The following ZNF174 variants were observed in gnomAD, a reference collection of about 807,000 sequenced individuals.
ZNF174 encodes the protein AW-1.
ZNF174 carries 30 observed loss-of-function variants against 38.7 expected under a neutral mutation model. The ratio of observed to expected loss-of-function variants is 0.78; its 90% CI spans 0.58 to 1.05. ZNF174 has a LOEUF of 1.05. Among genes scored for constraint, ZNF174 ranks in the 50% least tolerant of loss-of-function variants. The pLI, the probability that ZNF174 is intolerant of heterozygous loss-of-function variation, is 0.00. For synonymous variants in ZNF174, 201 were observed against 181.7 expected, an observed-to-expected ratio of 1.11 and a Z score of -0.86; for missense variants, 499 against 495.6, an observed-to-expected ratio of 1.01 and a Z score of -0.06.
Position 3,402,188 on chromosome 16 carries a change from G to A in ZNF174, c.184G>A (p.Glu62Lys). ...FCYQEVSGPQEALSQLRQLCR... is the reference protein window; with the variant it reads ...FCYQEVSGPQKALSQLRQLCR... ...TTATCAAGAGGTGTCTGGACCCCAAGAGGCTCTCTCCCAGCTCCGACAGCT... is the reference window on the plus strand; with the variant it reads ...TTATCAAGAGGTGTCTGGACCCCAAAAGGCTCTCTCCCAGCTCCGACAGCT... The change falls in exon 1 of 3, where the codon GAG becomes AAG. Residue 62 changes from glutamate (E) to lysine (K), a missense_variant. Glu to Lys is a moderately conservative substitution (Grantham distance 56, BLOSUM62 1). Transcript: ENST00000268655. 1 of 1,612,800 alleles carries A rather than the reference G, an allele frequency of 6.2e-7. No homozygotes were observed. The highest frequency in any genetic ancestry group is 1.7e-5 in the Admixed American group (1 of 59,994).
In ZNF174 at chr16:3,404,505, T is replaced by G; in HGVS notation, c.482T>G (p.Phe161Cys). The change falls in exon 2 of 3, where the codon TTT (phenylalanine) becomes TGT (cysteine). Residue 161 changes from phenylalanine (F) to cysteine (C), a missense_variant. Transcript: ENST00000268655. Reference protein sequence around the residue: ...SQLGEQELPDFQPQTPRRDLR... With the variant: ...SQLGEQELPDCQPQTPRRDLR... ...CTTGGAGAACAGGAACTGCCAGACT[T>G]TCAACCGCAGACTCCTAGGAGAGAT... 4.3e-6 allele frequency: 7 copies of G among 1,613,756 alleles called. No individual in the cohort carries two copies. Among genetic ancestry groups the G allele is most frequent in the Non-Finnish European group, 5.9e-6 (7 of 1,179,672 alleles).
intron 1 of ZNF174, 56 bp from the exon 2 acceptor site, chr16:3,404,370 G>C (rs776255651): frequency 6.0e-5 from 91 of 1,509,910 alleles, no homozygotes; most frequent in Non-Finnish European, 7.9e-5. Context: ...AACAGTGAGA[G>C]ATCAAGCTTC....
rs1222583841 is a variant in ZNF174, at chr16:3,402,327, A to G, written c.323A>G (p.His108Arg). Residue 108 changes from histidine to arginine, a missense_variant, in exon 1 of 3, where the codon CAT (histidine) becomes CGT (arginine). Transcript: ENST00000268655. ...CCGGAGATCCAGGCTCGGGTCAGGC[A>G]TCGATGTCCAATGAGCAGCAAGGAG... ...LPPEIQARVR[H>R]RCPMSSKEIV... 3.7e-6 allele frequency: 6 copies of G among 1,614,110 alleles called. No homozygotes were observed. In the South Asian group the frequency reaches 4.4e-5, roughly 12 times the overall value.
rs1014173701 is a variant in ZNF174, at chr16:3,409,142, A to G, written c.*223A>G. 1.8e-6 allele frequency: 1 copy of G among 555,000 alleles called. No individual in the cohort carries two copies. Among genetic ancestry groups the G allele is most frequent in the Non-Finnish European group, 3.2e-6 (1 of 312,768 alleles). 34.4% of individuals were successfully genotyped at this position (555,000 alleles called of 1,614,324 possible). A position where few individuals can be genotyped will look rare whatever the true frequency, so the allele number is the denominator to read the frequency against. ...GAAGGCAGGTCTGGGCACTGGGGCA[A>G]AGAGAACTTAAGTCTCTGCAGAGAG... On this transcript the variant is annotated 3_prime_UTR_variant, in exon 3 of 3. Coordinates refer to ENST00000268655, the MANE Select transcript of ZNF174 (RefSeq NM_003450.3).
In ZNF174 at chr16:3,401,716, A is replaced by T; in HGVS notation, c.-289A>T. The T allele has an allele frequency of 3.0e-6, 1 of 336,560 alleles. No individual in the cohort carries two copies. The highest frequency in any genetic ancestry group is 5.5e-6 in the Non-Finnish European group (1 of 182,942). 20.8% of individuals were successfully genotyped at this position (336,560 alleles called of 1,614,324 possible). ...TGTGTGCTTGCTACTGAAATAAAAG[A>T]AGTATTTTTTCCCCAGAGTCCTTTT... On this transcript the variant is annotated 5_prime_UTR_variant, in exon 1 of 3. Transcript: ENST00000268655.
At position 3,408,970 on chromosome 16, in the gene ZNF174, T is replaced by TC. The variant is rs113071016; in HGVS notation, c.*56dup. ...ACACGGAAGGTGTTTGTGTTTCTCC[T>TC]CCCCCTTACTTGCATGTAAATCACA... On this transcript the variant is annotated 3_prime_UTR_variant, in exon 3 of 3. Coordinates refer to ENST00000268655, the MANE Select transcript of ZNF174 (RefSeq NM_003450.3). 2.7e-6 allele frequency: 4 copies of TC among 1,493,516 alleles called. No homozygotes were observed. Among genetic ancestry groups the TC allele is most frequent in the Non-Finnish European group, 3.6e-6 (4 of 1,105,480 alleles). The allele number at this position is 1,493,516 out of a possible 1,614,324, so 92.5% of individuals were successfully genotyped here. A position where few individuals can be genotyped will look rare whatever the true frequency, so the allele number is the denominator to read the frequency against.
At position 3,404,634 on chromosome 16, in the gene ZNF174, A is replaced by T; in HGVS notation, c.611A>T (p.Lys204Ile). Residue 204 changes from lysine (K) to isoleucine (I), a missense_variant, in exon 2 of 3, where the codon AAA (lysine) becomes ATA (isoleucine). Lys to Ile is a moderately radical substitution (Grantham distance 102). Coordinates refer to ENST00000268655, the MANE Select transcript of ZNF174 (RefSeq NM_003450.3). ...KSPLLQEPTP[K>I]LAGTEAPRMR... ...CCACTCCTCCAAGAACCAACCCCCA[A>T]ATTGGCTGGGACAGGTAAACACTCT... 4 of 1,614,148 alleles carry T rather than the reference A, an allele frequency of 2.5e-6. No homozygotes were observed. Among genetic ancestry groups the T allele is most frequent in the Non-Finnish European group, 2.5e-6 (3 of 1,180,014 alleles).
intron 1 of ZNF174, 123 bp from the exon 2 acceptor site, chr16:3,404,303 T>G: frequency 1.0e-6 from 1 of 962,400 alleles, no homozygotes; most frequent in Non-Finnish European, 1.6e-6. Flanking sequence ...GTGGTTTCTA[T>G]GAAAGTTGAC....
intron 2 of ZNF174, 84 bp downstream of exon 2, chr16:3,404,732 CAT>C (rs756178299): frequency 2.6e-6 from 4 of 1,564,878 alleles, no homozygotes; most frequent in Admixed American, 1.7e-5. Context: ...GCATAGACCA[CAT>C]GTGTGTGTTT....
At chr16:3,403,797 G>C (rs749529321) in intron 1 of ZNF174, among the ~76,000 whole-genome samples, 1 of 152,128 alleles carries the variant, frequency 6.6e-6, no homozygotes, top group Non-Finnish European at 1.5e-5. Context: ...CTAGCTTATT[G>C]TCTTTGGATC....
rs936449883 is a variant in ZNF174 at position 3,401,614 on chromosome 16, C to T, written c.-391C>T. 4.9e-6 allele frequency: 1 copy of T among 202,582 alleles called. No individual in the cohort carries two copies. The highest frequency in any genetic ancestry group is 1.0e-5 in the Non-Finnish European group (1 of 100,006). 12.5% of individuals were successfully genotyped at this position (202,582 alleles called of 1,614,324 possible). A position where few individuals can be genotyped will look rare whatever the true frequency, so the allele number is the denominator to read the frequency against. ...ATGCGGGAGAGTTGGGGCAAGCTACCTGCGACAGCTTGAACTTTTCCTAGG... is the reference window on the plus strand; with the variant it reads ...ATGCGGGAGAGTTGGGGCAAGCTACTTGCGACAGCTTGAACTTTTCCTAGG... On this transcript the variant is annotated 5_prime_UTR_variant, in exon 1 of 3. Coordinates refer to ENST00000268655, the MANE Select transcript of ZNF174 (RefSeq NM_003450.3).
intron 2 of ZNF174, chr16:3,404,874 T>C (rs1177758547): frequency 6.2e-7 from 1 of 1,609,616 alleles, no homozygotes; most frequent in Admixed American, 1.7e-5. Context: ...ATCCAGTGCA[T>C]GACAGGGTTG....
At position 3,402,315 on chromosome 16, in the gene ZNF174, C is replaced by A. The variant is rs1347122620; in HGVS notation, c.311C>A (p.Ala104Asp). The A allele has an allele frequency of 6.2e-7, 1 of 1,614,070 alleles. No homozygotes were observed. Among genetic ancestry groups the A allele is most frequent in the South Asian group, 1.1e-5 (1 of 91,078 alleles). The change falls in exon 1 of 3, where the codon GCT (alanine) becomes GAT (aspartate). Residue 104 changes from alanine to aspartate, a missense_variant. Transcript: ENST00000268655. ...ACCATCCTGCCCCCGGAGATCCAGG[C>A]TCGGGTCAGGCATCGATGTCCAATG... ...FLTILPPEIQ[A>D]RVRHRCPMSS...
intron 2 of ZNF174, chr16:3,405,075 A>G: frequency 3.2e-6 from 5 of 1,547,030 alleles, no homozygotes; most frequent in Non-Finnish European, 4.4e-6. Context: ...TGTTGCTTGT[A>G]CTTTAGATCC....
chr16:3,401,645 C>A lies in ZNF174; in HGVS notation c.-360C>A. The A allele has an allele frequency of 4.7e-6, 1 of 212,070 alleles. No homozygotes were observed. Among genetic ancestry groups the A allele is most frequent in the Non-Finnish European group, 9.5e-6 (1 of 105,476 alleles). The allele number at this position is 212,070 out of a possible 1,614,324, so 13.1% of individuals were successfully genotyped here. ...CAGCTTGAACTTTTCCTAGGGATTCCGCTCCACCCGCCGGTTAGAGCGTAT... is the reference window on the plus strand; with the variant it reads ...CAGCTTGAACTTTTCCTAGGGATTCAGCTCCACCCGCCGGTTAGAGCGTAT... On this transcript the variant is annotated 5_prime_UTR_variant, in exon 1 of 3. Transcript: ENST00000268655.
chr16:3,405,781 C>T (rs140025259), intron 2 of ZNF174, among the ~76,000 whole-genome samples: 2,781 of 152,240 alleles, frequency 0.018, 85 homozygotes, highest in African/African-American at 0.06. Flanking sequence ...CCAAGGCAGG[C>T]GGATCACTTA....
intron 2 of ZNF174, 182 bp downstream of exon 2, chr16:3,404,830 G>T: frequency 1.3e-6 from 2 of 1,584,080 alleles, no homozygotes; most frequent in Non-Finnish European, 1.7e-6. Flanking sequence ...AAGTAAGTAT[G>T]TTTTTATCGT....
At chr16:3,408,104 C>T (rs1031341823) in intron 2 of ZNF174, among the ~76,000 whole-genome samples, 3 of 152,086 alleles carry the variant, frequency 2.0e-5, no homozygotes, top group South Asian at 2.1e-4. Context: ...AGCCTGCTAA[C>T]TGTGCAGATT....
intron 2 of ZNF174, among the ~76,000 whole-genome samples, chr16:3,406,841 T>C (rs981851214): frequency 2.0e-5 from 3 of 152,236 alleles, no homozygotes; most frequent in Admixed American, 1.3e-4. Flanking sequence ...CACTGCCTAA[T>C]CCAAGGGCAC....
Sources: allele counts gnomAD v4.1 joint callset (sites outside exome capture counted in the v4.1 genomes callset), GRCh38; gene constraint gnomAD v4.1.1; transcripts MANE v1.5; gene names NCBI Gene and HGNC (gene_info 2026-07-23, HGNC 2026-07-21).